MSN: variants seen among roughly 807,000 people sequenced by gnomAD.
MSN encodes the protein moesin.
In MSN, 2 loss-of-function variants were observed where a neutral mutation model predicts 48.0. That is an observed-to-expected ratio of 0.04 (90% CI 0.02 to 0.13). MSN has a LOEUF of 0.13. Among genes scored for constraint, MSN ranks in the 10% least tolerant of loss-of-function variants. The pLI, the probability that MSN is intolerant of heterozygous loss-of-function variation, is 1.00. For synonymous variants in MSN, 146 were observed against 166.9 expected, an observed-to-expected ratio of 0.87 and a Z score of 0.97; for missense variants, 267 against 470.1, an observed-to-expected ratio of 0.57 and a Z score of 3.99.
chrX:65,738,941 A>C, intron 11 of MSN, 29 bp from the exon 12 acceptor site: 2 of 1,200,792 alleles, frequency 1.7e-6, no homozygotes, highest in Non-Finnish European at 2.3e-6. Context: ...TCTCACTGAC[A>C]GTCTTTCTCT....
intron 1 of MSN, among the ~76,000 whole-genome samples, chrX:65,646,952 C>G (rs1224555957): frequency 9.1e-6 from 1 of 110,480 alleles, no homozygotes; most frequent in Non-Finnish European, 1.9e-5. Flanking sequence ...CATCTCAAAA[C>G]AAAACAAAAC....
chrX:65,729,083 AT>A (rs1480106244), intron 3 of MSN, among the ~76,000 whole-genome samples: 2 of 111,954 alleles, frequency 1.8e-5, no homozygotes, highest in African/African-American at 3.2e-5. Context: ...TACTTTGCTA[AT>A]TTATGAAGTT....
intron 1 of MSN, among the ~76,000 whole-genome samples, chrX:65,619,821 T>C: frequency 9.2e-6 from 1 of 109,045 alleles, no homozygotes; most frequent in East Asian, 2.8e-4. Flanking sequence ...GTTCCGTTTT[T>C]TCCCCATCTT....
intron 6 of MSN, among the ~76,000 whole-genome samples, chrX:65,732,605 T>C (rs2071633990): frequency 8.9e-6 from 1 of 111,758 alleles, no homozygotes; most frequent in African/African-American, 3.3e-5. Context: ...TCACTTGGTG[T>C]GCTCTTGGTG....
intron 1 of MSN, among the ~76,000 whole-genome samples, chrX:65,694,323 C>G (rs2071208181): frequency 9.1e-6 from 1 of 110,059 alleles, no homozygotes; most frequent in Admixed American, 9.7e-5. Flanking sequence ...ACTACATTAT[C>G]TCTTTAAGAT....
At chrX:65,726,614 A>G (rs1324284513) in intron 2 of MSN, among the ~76,000 whole-genome samples, 1 of 110,230 alleles carries the variant, frequency 9.1e-6, no homozygotes, top group Non-Finnish European at 1.9e-5. Context: ...TTTGTGAGTG[A>G]GTGTGTGTGT....
In MSN at chrX:65,739,913, G is replaced by C. The variant is rs1477933173; in HGVS notation, c.*20G>C. On this transcript the variant is annotated 3_prime_UTR_variant, in exon 13 of 13. Coordinates refer to ENST00000360270, the MANE Select transcript of MSN (RefSeq NM_002444.3). The stretch of plus-strand genomic sequence containing the variant: ...ATGTAATGGGCACCCAGCCTCTAGG[G>C]ACCCCTCCTCCCTTTTTCCTTGTCC... 6 of 1,196,443 alleles carry C rather than the reference G, an allele frequency of 5.0e-6. No individual in the cohort carries two copies. The highest frequency in any genetic ancestry group is 6.8e-6 in the Non-Finnish European group (6 of 886,984).
At chrX:65,610,138 T>C (rs2070309252) in intron 1 of MSN, among the ~76,000 whole-genome samples, 1 of 111,959 alleles carries the variant, frequency 8.9e-6, no homozygotes. Flanking sequence ...CATTTTCAAG[T>C]GTTCAATTCA....
intron 1 of MSN, among the ~76,000 whole-genome samples, chrX:65,643,363 G>A (rs942306027): frequency 9.0e-6 from 1 of 110,949 alleles, no homozygotes; most frequent in Non-Finnish European, 1.9e-5. Flanking sequence ...AGTGTCTAGA[G>A]GAAGATTTGT....
chrX:65,648,414 G>T (rs965777044), intron 1 of MSN, among the ~76,000 whole-genome samples: 3 of 111,374 alleles, frequency 2.7e-5, no homozygotes, highest in Non-Finnish European at 5.7e-5. Context: ...TTAGCCGGGC[G>T]TGGTCGTGGG....
At chrX:65,697,858 C>T (rs1283993271) in intron 1 of MSN, among the ~76,000 whole-genome samples, 2 of 112,126 alleles carry the variant, frequency 1.8e-5, no homozygotes, top group Non-Finnish European at 3.8e-5. Context: ...TATCTGTAGG[C>T]ATGGATCCTC....
chrX:65,675,073 A>C (rs770724368), intron 1 of MSN, among the ~76,000 whole-genome samples: 1 of 112,261 alleles, frequency 8.9e-6, no homozygotes, highest in African/African-American at 3.2e-5. Context: ...ACTGAATTTT[A>C]CTATATGCCT....
chrX:65,740,358 C>T lies in MSN; in HGVS notation c.*465C>T. On this transcript the variant is annotated 3_prime_UTR_variant, in exon 13 of 13. Coordinates refer to ENST00000360270, the MANE Select transcript of MSN (RefSeq NM_002444.3). Reference sequence around the variant, plus strand: ...TGAGACAGGACCTAGGATATCTTCTCCAGGATGTCAACTGACCTAAAATTT... The same window carrying T: ...TGAGACAGGACCTAGGATATCTTCTTCAGGATGTCAACTGACCTAAAATTT... The T allele has an allele frequency of 5.6e-6, 1 of 178,016 alleles. No homozygotes were observed. The allele number at this position is 178,016 out of a possible 1,213,427, so 14.7% of individuals were successfully genotyped here.
intron 1 of MSN, among the ~76,000 whole-genome samples, chrX:65,638,091 C>A (rs767585432): frequency 8.9e-6 from 1 of 112,238 alleles, no homozygotes; most frequent in African/African-American, 3.2e-5. Flanking sequence ...ATATTCATTG[C>A]GTAAAATTCA....
chrX:65,721,976 G>A (rs2071521394), intron 2 of MSN, among the ~76,000 whole-genome samples: 1 of 111,803 alleles, frequency 8.9e-6, no homozygotes, highest in African/African-American at 3.3e-5. Flanking sequence ...TAGCTACTTG[G>A]GTGGCTGGGG....
intron 1 of MSN, among the ~76,000 whole-genome samples, chrX:65,702,591 G>A (rs1326052121): frequency 1.8e-5 from 2 of 110,668 alleles, no homozygotes; most frequent in East Asian, 5.8e-4. Flanking sequence ...GCTTGAACCC[G>A]GGAGACGGGG....
chrX:65,733,665 C>T (rs2071645641), intron 7 of MSN, among the ~76,000 whole-genome samples: 1 of 110,811 alleles, frequency 9.0e-6, no homozygotes, highest in African/African-American at 3.3e-5. Context: ...TATTTGATTC[C>T]TTCCTTCCTT....
At chrX:65,647,118 C>T (rs961327474) in intron 1 of MSN, among the ~76,000 whole-genome samples, 2 of 111,198 alleles carry the variant, frequency 1.8e-5, no homozygotes, top group African/African-American at 6.5e-5. Flanking sequence ...GGGAGACAGA[C>T]ATTAATCAAC....
chrX:65,614,112 A>G (rs918355339), intron 1 of MSN, among the ~76,000 whole-genome samples: 6 of 111,885 alleles, frequency 5.4e-5, no homozygotes, highest in African/African-American at 1.6e-4. Flanking sequence ...TCCCAACACC[A>G]TTTATTAAAT....
Sources: gnomAD v4.1 joint callset for allele counts (sites outside exome capture counted in the v4.1 genomes callset) on GRCh38, gnomAD v4.1.1 for gene constraint, MANE v1.5 for transcripts, NCBI Gene and HGNC (gene_info 2026-07-23, HGNC 2026-07-21) for gene names.